The following SYBU variants were observed in gnomAD, a reference collection of about 807,000 sequenced individuals.
The protein encoded by SYBU is GOLSYN A protein.
In SYBU, 21 loss-of-function variants were observed where a neutral mutation model predicts 35.9. That is an observed-to-expected ratio of 0.58 (90% CI 0.41 to 0.84). The LOEUF is 0.84. Ranked by LOEUF, SYBU falls within the 40% of genes least tolerant of loss-of-function variation. The probability of loss-of-function intolerance (pLI) is 0.00; values close to 1 mark genes in which losing one functional copy is unlikely to be tolerated. For synonymous variants in SYBU, 319 were observed against 324.3 expected (o/e 0.98, Z 0.18); for missense variants, 768 against 848.2 (o/e 0.91, Z 1.17).
chr8:109,668,162 G>GAGAGAAA lies in SYBU; in HGVS notation c.-129+12548_-129+12549insTTTCTCT, dbSNP rs1554628106. On this transcript the variant is annotated intron_variant, in intron 1 of 5. Coordinates refer to the SYBU transcript ENST00000408889. Reference sequence around the variant, plus strand: ...AAGGAAGAAGAGGCAGAGGGGGAGAGGGGGAGAGAGAGAGAGAGAGAGAGA... The same window carrying GAGAGAAA: ...AAGGAAGAAGAGGCAGAGGGGGAGAGAGAGAAAGGGGAGAGAGAGAGAGAGAGAGAGA... Among the ~76,000 whole-genome samples the GAGAGAAA allele has an allele frequency of 3.4e-3, 345 of 101,560 alleles. 7 individuals carry two copies. Among genetic ancestry groups the GAGAGAAA allele is most frequent in the African/African-American group, 0.014 (324 of 23,298 alleles). 66.6% of individuals were successfully genotyped at this position (101,560 alleles called of 152,430 possible).
chr8:109,685,041 T>C (rs912805653), upstream of SYBU, among the ~76,000 whole-genome samples: 1 of 152,044 alleles, frequency 6.6e-6, no homozygotes, highest in African/African-American at 2.4e-5. Context: ...AGTTTGGGGG[T>C]TTGGCATAGT....
chr8:109,615,890 C>G (rs13271883), intron 3 of SYBU, among the ~76,000 whole-genome samples: 1 of 151,562 alleles, frequency 6.6e-6, no homozygotes, highest in Non-Finnish European at 1.5e-5. Flanking sequence ...TTTAATGATT[C>G]TCAAGGATCC....
chr8:109,617,386 T>C (rs144135861), intron 3 of SYBU, among the ~76,000 whole-genome samples: 1 of 152,180 alleles, frequency 6.6e-6, no homozygotes, highest in Non-Finnish European at 1.5e-5. Flanking sequence ...TACAAACTTT[T>C]TGGAATTAGT....
At position 109,588,723 on chromosome 8, in the gene SYBU, A is replaced by G. The variant is rs1025458437; in HGVS notation, c.428-2561T>C. On this transcript the variant is annotated intron_variant, in intron 3 of 6. Coordinates refer to ENST00000276646, the MANE Select transcript of SYBU (RefSeq NM_001099754.2). ...AATCACACCCCCCGCCCCCGCCGCCATTTATCTATTAGTTGGCAACAAAGA... is the reference window on the plus strand; with the variant it reads ...AATCACACCCCCCGCCCCCGCCGCCGTTTATCTATTAGTTGGCAACAAAGA... Among the ~76,000 whole-genome samples the G allele has an allele frequency of 2.1e-5, 3 of 140,646 alleles. No homozygotes were observed. In the Admixed American group the frequency reaches 2.3e-4, roughly 11 times the overall value. 92.3% of individuals were successfully genotyped at this position (140,646 alleles called of 152,430 possible).
intron 3 of SYBU, among the ~76,000 whole-genome samples, chr8:109,590,778 A>T (rs1227568454): frequency 6.6e-6 from 1 of 151,732 alleles, no homozygotes; most frequent in Non-Finnish European, 1.5e-5. Context: ...AAAAAAAAAA[A>T]AACTAACAGA....
At chr8:109,662,566 C>T (rs1013391876) in intron 1 of SYBU, among the ~76,000 whole-genome samples, 5 of 152,162 alleles carry the variant, frequency 3.3e-5, no homozygotes, top group Admixed American at 1.3e-4. Context: ...TCTCTGCAGA[C>T]TCTCCCAGAG....
Position 109,616,001 on chromosome 8 carries a change from T to C in SYBU, c.427+2841A>G, listed in dbSNP as rs201277811. Among the ~76,000 whole-genome samples, 88 of 112,494 alleles carry C rather than the reference T, an allele frequency of 7.8e-4. 7 individuals carry two copies. Among genetic ancestry groups the C allele is most frequent in the African/African-American group, 2.9e-3 (67 of 22,970 alleles). The allele number at this position is 112,494 out of a possible 152,430, so 73.8% of individuals were successfully genotyped here. ...CCCTGTAATTTCTTTTCTTTTCTTTTCTTTCTTTTTTTTTTTTTTTTTTTT... is the reference window on the plus strand; with the variant it reads ...CCCTGTAATTTCTTTTCTTTTCTTTCCTTTCTTTTTTTTTTTTTTTTTTTT... On this transcript the variant is annotated intron_variant, in intron 3 of 6. Coordinates refer to ENST00000276646, the MANE Select transcript of SYBU (RefSeq NM_001099754.2).
At chr8:109,618,798 C>T in intron 3 of SYBU, 44 bp downstream of exon 3, 6 of 1,562,088 alleles carry the variant, frequency 3.8e-6, no homozygotes, top group Non-Finnish European at 5.3e-6. Context: ...AAACTACTCC[C>T]ATCACATTGT....
chr8:109,635,702 T>C (rs935549832), intron 2 of SYBU, among the ~76,000 whole-genome samples: 2 of 152,186 alleles, frequency 1.3e-5, no homozygotes, highest in African/African-American at 4.8e-5. Context: ...TAGCCCCAAA[T>C]CTCACACATG....
chr8:109,581,971 T>C (rs913338087), intron 4 of SYBU, among the ~76,000 whole-genome samples: 6 of 152,248 alleles, frequency 3.9e-5, no homozygotes, highest in Non-Finnish European at 5.9e-5. Context: ...CAGCCCATGG[T>C]AGAAAGAACT....
At chr8:109,678,588 G>A (rs1252777695) in intron 1 of SYBU, among the ~76,000 whole-genome samples, 2 of 151,744 alleles carry the variant, frequency 1.3e-5, no homozygotes, top group Non-Finnish European at 2.9e-5. Flanking sequence ...CTACAGGTGT[G>A]CGCCACCATG....
At chr8:109,591,505 A>ATTTT (rs1563693024) in intron 3 of SYBU, among the ~76,000 whole-genome samples, 1 of 124,772 alleles carries the variant, frequency 8.0e-6, no homozygotes, top group African/African-American at 3.4e-5. Flanking sequence ...AAAAAATGTA[A>ATTTT]ATTTTTTTTT....
At chr8:109,663,042 C>G (rs574337469) in intron 1 of SYBU, among the ~76,000 whole-genome samples, 5 of 152,038 alleles carry the variant, frequency 3.3e-5, no homozygotes, top group Non-Finnish European at 7.4e-5. Flanking sequence ...TTAAGAGAAA[C>G]CTGGATCCTA....
At chr8:109,597,442 G>T (rs1251654462) in intron 3 of SYBU, among the ~76,000 whole-genome samples, 1 of 152,274 alleles carries the variant, frequency 6.6e-6, no homozygotes, top group Non-Finnish European at 1.5e-5. Flanking sequence ...TTAAAGCTGG[G>T]TGCAGTGGCT....
chr8:109,621,765 T>C (rs1812424176), intron 2 of SYBU, among the ~76,000 whole-genome samples: 1 of 152,282 alleles, frequency 6.6e-6, no homozygotes, highest in Admixed American at 6.5e-5. Flanking sequence ...CTGTGGGTTA[T>C]GGAAGAAGCC....
chr8:109,601,400 T>C (rs1172736695), intron 3 of SYBU, among the ~76,000 whole-genome samples: 2 of 152,174 alleles, frequency 1.3e-5, no homozygotes, highest in Non-Finnish European at 2.9e-5. Context: ...CCATCTCAAC[T>C]ATGCGTTAAA....
In SYBU at chr8:109,575,120, A is replaced by G; in HGVS notation, c.1778T>C (p.Leu593Pro). 6 of 1,613,808 alleles carry G rather than the reference A, an allele frequency of 3.7e-6. No individual in the cohort carries two copies. Among genetic ancestry groups the G allele is most frequent in the Non-Finnish European group, 5.1e-6 (6 of 1,179,708 alleles). Residue 593 changes from leucine (L) to proline (P), a missense_variant, in exon 7 of 7, where the codon CTG becomes CCG. Transcript: ENST00000276646. ...VEERLDGVIPLARGGVVRQYW... is the reference protein window; with the variant it reads ...VEERLDGVIPPARGGVVRQYW... The stretch of plus-strand genomic sequence containing the variant: ...CTGCCTCACGACGCCCCCGCGAGCC[A>G]GTGGGATGACACCATCCAACCTCTC...
Position 109,642,893 on chromosome 8 carries a change from G to A in SYBU, c.64C>T (p.Arg22Ter), listed in dbSNP as rs1285300576. Residue 22 changes from arginine to a stop codon, truncating the protein, a stop_gained, in exon 2 of 7, where the codon CGA (arginine) becomes TGA (stop). Transcript: ENST00000276646. LOFTEE classifies it high-confidence loss of function. The stretch of plus-strand genomic sequence containing the variant: ...AGAATCAACCGGGGAATTCGGCTTC[G>A]AGAAATCTCCTTGTCATGATGCTGC... ...RVQHHDKEIS[R>*]SRIPRLILRP... 6.3e-7 allele frequency: 1 copy of A among 1,586,212 alleles called. No homozygotes were observed. Among genetic ancestry groups the A allele is most frequent in the Non-Finnish European group, 8.6e-7 (1 of 1,164,836 alleles).
At chr8:109,680,214 A>G (rs1817351882) in intron 1 of SYBU, 1 of 152,258 alleles carries the variant, frequency 6.6e-6, no homozygotes, top group South Asian at 2.1e-4. Flanking sequence ...CCTGCAGTAC[A>G]AAATTATTAT....
Sources: allele counts gnomAD v4.1 joint callset (sites outside exome capture counted in the v4.1 genomes callset), GRCh38; gene constraint gnomAD v4.1.1; transcripts MANE v1.5; gene names NCBI Gene and HGNC (gene_info 2026-07-23, HGNC 2026-07-21).